Variants in PKHD1 observed in about 807,000 individuals in gnomAD.
PKHD1 encodes PKHD1 ciliary IPT domain containing fibrocystin/polyductin.
PKHD1 carries 291 observed loss-of-function variants against 412.0 expected under a neutral mutation model. The ratio of observed to expected loss-of-function variants is 0.71; its 90% CI spans 0.64 to 0.78. The LOEUF (loss-of-function observed/expected upper bound fraction) is 0.78, where lower values mean the gene tolerates loss of function less well. Ranked by LOEUF, PKHD1 falls within the 30% of genes least tolerant of loss-of-function variation. PKHD1 has a pLI of 0.00. For synonymous variants in PKHD1, 1,777 were observed against 1,821.5 expected (o/e 0.98, Z 0.62); for missense variants, 4,825 against 4,950.7 (o/e 0.97, Z 0.76).
intron 55 of PKHD1, among the ~76,000 whole-genome samples, chr6:51,760,164 A>G (rs1787755950): frequency 6.6e-6 from 1 of 152,154 alleles, no homozygotes; most frequent in South Asian, 2.1e-4. Context: ...AAATTATAGT[A>G]GTATTTGAAA....
At position 51,659,016 on chromosome 6, in the gene PKHD1, T is replaced by C; in HGVS notation, c.11110A>G (p.Asn3704Asp). 6.2e-7 allele frequency: 1 copy of C among 1,613,204 alleles called. No individual in the cohort carries two copies. The highest frequency in any genetic ancestry group is 8.5e-7 in the Non-Finnish European group (1 of 1,179,298). Residue 3704 changes from asparagine (N) to aspartate (D), a missense_variant, in exon 61 of 67, where the codon AAT becomes GAT. By Grantham distance (23) the Asn-to-Asp change is conservative. Coordinates refer to ENST00000371117, the MANE Select transcript of PKHD1 (RefSeq NM_138694.4). ...ITAQQTGVLE[N>D]VLNMTIGALL... ...GCCCCGATAGTCATATTCAGAACAT[T>C]CTCTAGTACCCCAGTCTGTTGAGCA...
At chr6:51,980,006 C>T (rs1794940001) in intron 35 of PKHD1, among the ~76,000 whole-genome samples, 1 of 152,182 alleles carries the variant, frequency 6.6e-6, no homozygotes, top group African/African-American at 2.4e-5. Flanking sequence ...TTTCACCTTG[C>T]TAGAGTGTGA....
At chr6:51,988,334 AAATAT>A (rs995439123) in intron 35 of PKHD1, among the ~76,000 whole-genome samples, 26 of 152,354 alleles carry the variant, frequency 1.7e-4, no homozygotes, top group African/African-American at 6.0e-4. Flanking sequence ...TTTTTATTTT[AAATAT>A]AATATCTCAA....
chr6:51,759,805 T>G (rs1277207621), intron 55 of PKHD1, among the ~76,000 whole-genome samples: 1 of 152,048 alleles, frequency 6.6e-6, no homozygotes, highest in Non-Finnish European at 1.5e-5. Context: ...TTAAAGAAAA[T>G]AAAACTGAGG....
At chr6:51,986,361 T>C (rs1007260791) in intron 35 of PKHD1, among the ~76,000 whole-genome samples, 1 of 152,148 alleles carries the variant, frequency 6.6e-6, no homozygotes, top group African/African-American at 2.4e-5. Flanking sequence ...ATCGTATATA[T>C]CTATTAAAAT....
rs73426003 is a variant in PKHD1, at chr6:51,734,305, A to T, written c.10156+10080T>A. 1.7e-3 allele frequency among the ~76,000 whole-genome samples: 258 copies of T among 152,316 alleles called. 2 individuals are homozygous for T. Among genetic ancestry groups the T allele is most frequent in the African/African-American group, 6.1e-3 (253 of 41,572 alleles). On this transcript the variant is annotated intron_variant, in intron 60 of 66. Coordinates refer to ENST00000371117, the MANE Select transcript of PKHD1 (RefSeq NM_138694.4). ...GTACCACATTTTTTACAATCTCCTG[A>T]AATTAGAAAATGGGGGAATATTCTT...
intron 5 of PKHD1, among the ~76,000 whole-genome samples, chr6:52,078,874 C>T (rs1811666748): frequency 6.6e-6 from 1 of 152,102 alleles, no homozygotes; most frequent in Admixed American, 6.5e-5. Context: ...TGCATATGTG[C>T]AAAAGCAAAA....
At chr6:51,974,444 T>C (rs1411162092) in intron 35 of PKHD1, among the ~76,000 whole-genome samples, 1 of 152,186 alleles carries the variant, frequency 6.6e-6, no homozygotes, top group East Asian at 1.9e-4. Flanking sequence ...GACAATGTAA[T>C]AGGCATAGAC....
intron 35 of PKHD1, among the ~76,000 whole-genome samples, chr6:51,977,945 G>A (rs1341718423): frequency 6.6e-6 from 1 of 152,200 alleles, no homozygotes; most frequent in African/African-American, 2.4e-5. Flanking sequence ...AGGCAGACTG[G>A]ATTGGTGAGG....
At chr6:51,736,488 C>T (rs1027856427) in intron 60 of PKHD1, among the ~76,000 whole-genome samples, 6 of 152,104 alleles carry the variant, frequency 3.9e-5, no homozygotes, top group Admixed American at 1.3e-4. Flanking sequence ...CTTGCAGCTG[C>T]GAATCCCAAA....
intron 61 of PKHD1, among the ~76,000 whole-genome samples, chr6:51,655,264 C>A (rs886671875): frequency 6.6e-6 from 1 of 152,072 alleles, no homozygotes; most frequent in African/African-American, 2.4e-5. Flanking sequence ...TTTCATGCTC[C>A]AAACAGCTCT....
chr6:51,956,678 G>A (rs1291963590), intron 36 of PKHD1, among the ~76,000 whole-genome samples: 1 of 152,024 alleles, frequency 6.6e-6, no homozygotes, highest in Non-Finnish European at 1.5e-5. Context: ...AGAGTCCTGG[G>A]GGGTGGCTGT....
chr6:52,017,695 C>T, intron 33 of PKHD1, 66 bp from the exon 34 acceptor site: 1 of 1,217,370 alleles, frequency 8.2e-7, no homozygotes. Flanking sequence ...GTCGGTTTCA[C>T]AAATGAAGTT....
At chr6:51,721,945 T>C (rs1781972344) in intron 60 of PKHD1, 1 of 1,613,148 alleles carries the variant, frequency 6.2e-7, no homozygotes, top group South Asian at 1.1e-5. Flanking sequence ...TCCTGCTGCC[T>C]CATTAATCTT....
intron 27 of PKHD1, among the ~76,000 whole-genome samples, chr6:52,037,641 T>C (rs1430923941): frequency 6.6e-6 from 1 of 152,218 alleles, no homozygotes; most frequent in Non-Finnish European, 1.5e-5. Flanking sequence ...GAAATATTCT[T>C]CTTCTCCTAT....
intron 41 of PKHD1, among the ~76,000 whole-genome samples, chr6:51,904,647 C>T (rs1945332845): frequency 6.6e-6 from 1 of 152,154 alleles, no homozygotes; most frequent in Admixed American, 6.6e-5. Flanking sequence ...TTACCCACCA[C>T]ACATCAATAA....
intron 52 of PKHD1, among the ~76,000 whole-genome samples, chr6:51,798,751 C>T (rs951744033): frequency 8.5e-5 from 13 of 152,092 alleles, no homozygotes; most frequent in Admixed American, 7.2e-4. Context: ...TGTCTCAAAG[C>T]AAGAGTTTTA....
rs142637901 is a variant in PKHD1 at position 52,023,915 on chromosome 6, CTTAG to C, written c.5236+655_5236+658del. The stretch of plus-strand genomic sequence containing the variant: ...AGACCAAATTTTTTCTAAGAAATGT[CTTAG>C]TTAGTACTCCAACAGTCTAAGATTC... On this transcript the variant is annotated intron_variant, in intron 32 of 66. Transcript: ENST00000371117. Among the ~76,000 whole-genome samples, 714 of 152,298 alleles carry C rather than the reference CTTAG, an allele frequency of 4.7e-3. 8 individuals carry two copies. The highest frequency in any genetic ancestry group is 0.016 in the African/African-American group (675 of 41,570).
chr6:52,074,375 G>A (rs1279553144), intron 6 of PKHD1, among the ~76,000 whole-genome samples: 1 of 152,166 alleles, frequency 6.6e-6, no homozygotes, highest in Admixed American at 6.5e-5. Context: ...CAATTTTATA[G>A]GTGCATGGGT....
Sources: allele counts gnomAD v4.1 joint callset (sites outside exome capture counted in the v4.1 genomes callset), GRCh38; gene constraint gnomAD v4.1.1; transcripts MANE v1.5; gene names NCBI Gene and HGNC (gene_info 2026-07-23, HGNC 2026-07-21).